MAPRE2: variants seen among roughly 807,000 people sequenced by gnomAD.
MAPRE2 encodes microtubule associated protein RP/EB family member 2, also known as microtubule-associated protein RP/EB family member 2.
A neutral mutation model predicts 43.2 loss-of-function variants in MAPRE2; 13 were observed. The observed-to-expected ratio is 0.30, with a 90% confidence interval of 0.20 to 0.48. MAPRE2 has a LOEUF of 0.48. Ranked by LOEUF, MAPRE2 falls within the 20% of genes least tolerant of loss-of-function variation. The pLI is 0.99. For missense variants in MAPRE2, 161 were observed against 400.2 expected (o/e 0.40, Z 5.10); for synonymous variants, 135 against 148.8 (o/e 0.91, Z 0.68).
intron 2 of MAPRE2, among the ~76,000 whole-genome samples, chr18:35,036,267 T>A (rs1016677387): frequency 1.3e-5 from 2 of 152,068 alleles, no homozygotes; most frequent in Non-Finnish European, 2.9e-5. Context: ...ACCCCATGAA[T>A]TTTACGACCC....
At chr18:34,993,917 T>G (rs1358228288) in intron 1 of MAPRE2, among the ~76,000 whole-genome samples, 3 of 152,200 alleles carry the variant, frequency 2.0e-5, no homozygotes, top group African/African-American at 7.2e-5. Flanking sequence ...TCCTAGTGTT[T>G]TAGAGCTGAG....
intron 1 of MAPRE2, among the ~76,000 whole-genome samples, chr18:35,055,557 GTGTGTGTA>G (rs1366953295): frequency 1.5e-4 from 22 of 149,230 alleles, no homozygotes; most frequent in African/African-American, 5.5e-4. Context: ...GTGTGTGTGT[GTGTGTGTA>G]TGTGTGTGTG....
chr18:35,045,012 T>G (rs1376369237), intron 1 of MAPRE2, among the ~76,000 whole-genome samples: 1 of 152,190 alleles, frequency 6.6e-6, no homozygotes, highest in Non-Finnish European at 1.5e-5. Context: ...TTTAGAAAAT[T>G]ACCCCTGGAT....
chr18:35,035,395 G>A (rs2097050040), intron 2 of MAPRE2, among the ~76,000 whole-genome samples: 1 of 151,776 alleles, frequency 6.6e-6, no homozygotes, highest in Non-Finnish European at 1.5e-5. Flanking sequence ...ATAGCATTAG[G>A]AGATATACCT....
intron 2 of MAPRE2, among the ~76,000 whole-genome samples, chr18:35,008,288 G>A (rs955298902): frequency 1.3e-5 from 2 of 151,890 alleles, no homozygotes; most frequent in Admixed American, 1.3e-4. Flanking sequence ...AGTTATCTTT[G>A]GGAAATATAA....
chr18:34,999,191 G>A (rs1172804656), intron 1 of MAPRE2, among the ~76,000 whole-genome samples: 1 of 152,112 alleles, frequency 6.6e-6, no homozygotes, highest in Non-Finnish European at 1.5e-5. Flanking sequence ...CATGAGGAGA[G>A]GAGCTATTCT....
At chr18:34,985,031 ATATATAATATATAAAATATAT>A (rs1207022637) in intron 1 of MAPRE2, among the ~76,000 whole-genome samples, 15,569 of 77,648 alleles carry the variant, frequency 0.2, 1,376 homozygotes, top group Non-Finnish European at 0.21. Flanking sequence ...AATATATAAA[ATATATAATATATAAAATATAT>A]TATATAATAT....
intron 2 of MAPRE2, among the ~76,000 whole-genome samples, chr18:35,072,187 A>G (rs980261912): frequency 2.6e-5 from 4 of 152,236 alleles, no homozygotes; most frequent in Admixed American, 2.0e-4. Flanking sequence ...AAAGAAACCA[A>G]AAACAGTTTC....
intron 1 of MAPRE2, among the ~76,000 whole-genome samples, chr18:34,981,450 C>T (rs1413408458): frequency 6.6e-6 from 1 of 151,840 alleles, no homozygotes; most frequent in African/African-American, 2.4e-5. Context: ...TGATATATAC[C>T]TAGCTCTGTA....
chr18:35,109,394 G>A (rs2144197432), intron 4 of MAPRE2, among the ~76,000 whole-genome samples: 1 of 152,296 alleles, frequency 6.6e-6, no homozygotes, highest in South Asian at 2.1e-4. Context: ...GTAGTGTGAT[G>A]CCTCCAGCAT....
intron 2 of MAPRE2, among the ~76,000 whole-genome samples, chr18:35,074,111 A>G (rs972869865): frequency 2.0e-5 from 3 of 152,330 alleles, no homozygotes; most frequent in Admixed American, 1.3e-4. Context: ...TGTGAATACT[A>G]CCTATAATAA....
chr18:35,133,601 G>A lies in MAPRE2; in HGVS notation c.909+1411G>A, dbSNP rs370932419. Among the ~76,000 whole-genome samples, 10 of 152,196 alleles carry A rather than the reference G, an allele frequency of 6.6e-5. No homozygotes were observed. In the East Asian group the frequency reaches 1.3e-3, roughly 20 times the overall value. Reference sequence around the variant, plus strand: ...GAATGGCGCTGCTGTCTGCGATAACGCCTGCTAGTGGGAATAAGGCCGGCG... The same window carrying A: ...GAATGGCGCTGCTGTCTGCGATAACACCTGCTAGTGGGAATAAGGCCGGCG... On this transcript the variant is annotated intron_variant, in intron 6 of 6. Coordinates refer to ENST00000300249, the MANE Select transcript of MAPRE2 (RefSeq NM_014268.4).
intron 1 of MAPRE2, among the ~76,000 whole-genome samples, chr18:34,999,961 G>C (rs1170807308): frequency 2.0e-5 from 3 of 151,870 alleles, no homozygotes; most frequent in Non-Finnish European, 4.4e-5. Flanking sequence ...GCGTGGCGGC[G>C]GAGGCAGAGC....
rs1907039835 is a variant in MAPRE2, at chr18:35,070,210, C to T, written c.138C>T (p.Val46=). Reference sequence around the variant, plus strand: ...TTTTTTCTAGTTGGGGAATGGCGGTCAATGTGTATTCTACCTCGATAACCC... The same window carrying T: ...TTTTTTCTAGTTGGGGAATGGCGGTTAATGTGTATTCTACCTCGATAACCC... The part of the protein sequence containing the change: ...GERSYSWGMA[V]NVYSTSITQE... The change falls in exon 2 of 7, where the codon GTC becomes GTT. Residue 46 remains valine (V), a synonymous_variant. Transcript: ENST00000300249. The T allele has an allele frequency of 1.9e-6, 3 of 1,591,202 alleles. No individual in the cohort carries two copies. In the African/African-American group the frequency reaches 4.1e-5, roughly 22 times the overall value.
At chr18:35,076,846 G>A in intron 2 of MAPRE2, among the ~76,000 whole-genome samples, 1 of 152,138 alleles carries the variant, frequency 6.6e-6, no homozygotes, top group Non-Finnish European at 1.5e-5. Context: ...AAATACTAAA[G>A]CCAAACCTCA....
At chr18:35,022,794 C>G (rs1187158925) in intron 2 of MAPRE2, among the ~76,000 whole-genome samples, 1 of 152,106 alleles carries the variant, frequency 6.6e-6, no homozygotes, top group Non-Finnish European at 1.5e-5. Flanking sequence ...CATACAAATT[C>G]AAAGTAGGAA....
intron 1 of MAPRE2, among the ~76,000 whole-genome samples, chr18:34,995,908 C>T (rs910766642): frequency 2.0e-5 from 3 of 152,236 alleles, no homozygotes; most frequent in Non-Finnish European, 2.9e-5. Flanking sequence ...CCAGCAGCAT[C>T]ACCTAGAAGA....
intron 2 of MAPRE2, among the ~76,000 whole-genome samples, chr18:35,013,928 G>C (rs2097036466): frequency 6.6e-6 from 1 of 152,042 alleles, no homozygotes; most frequent in Non-Finnish European, 1.5e-5. Flanking sequence ...TGGACACCTA[G>C]TTTGATTTAA....
chr18:35,072,872 T>C (rs988980312), intron 2 of MAPRE2, among the ~76,000 whole-genome samples: 2 of 152,220 alleles, frequency 1.3e-5, no homozygotes, highest in Non-Finnish European at 2.9e-5. Context: ...AATTACAGGA[T>C]TGATGGTTCA....
Sources: gnomAD v4.1 joint callset for allele counts (sites outside exome capture counted in the v4.1 genomes callset) on GRCh38, gnomAD v4.1.1 for gene constraint, MANE v1.5 for transcripts, NCBI Gene and HGNC (gene_info 2026-07-23, HGNC 2026-07-21) for gene names.